Variants in ATP6V1H observed in about 807,000 individuals in gnomAD.
ATP6V1H encodes ATPase H+ transporting V1 subunit H.
Under a neutral mutation model 71.7 loss-of-function variants are expected in ATP6V1H, and 39 were observed. The observed-to-expected ratio is 0.54, with a 90% CI of 0.42 to 0.71. ATP6V1H has a LOEUF of 0.71. Ranked by LOEUF, ATP6V1H falls within the 30% of genes least tolerant of loss-of-function variation. ATP6V1H has a pLI of 0.00. For synonymous variants in ATP6V1H, 192 were observed against 199.3 expected (o/e 0.96, Z 0.31); for missense variants, 509 against 594.9 (o/e 0.86, Z 1.50).
intron 8 of ATP6V1H, among the ~76,000 whole-genome samples, chr8:53,800,585 T>C (rs1255777924): frequency 6.6e-6 from 1 of 152,162 alleles, no homozygotes; most frequent in African/African-American, 2.4e-5. Context: ...AGGAATATAT[T>C]TCTAAGGACA....
At chr8:53,745,408 A>AG (rs972216750) in intron 12 of ATP6V1H, among the ~76,000 whole-genome samples, 1 of 151,910 alleles carries the variant, frequency 6.6e-6, no homozygotes, top group Non-Finnish European at 1.5e-5. Flanking sequence ...TTAAAAAAAA[A>AG]CAAATAAAAA....
chr8:53,732,584 C>T (rs1033108954), intron 13 of ATP6V1H, among the ~76,000 whole-genome samples: 3 of 151,206 alleles, frequency 2.0e-5, no homozygotes, highest in African/African-American at 4.9e-5. Flanking sequence ...GACCAAATTC[C>T]TTTAGAGTGA....
intron 2 of ATP6V1H, among the ~76,000 whole-genome samples, chr8:53,836,003 T>C (rs553365925): frequency 2.6e-5 from 4 of 152,276 alleles, no homozygotes; most frequent in Admixed American, 6.5e-5. Flanking sequence ...AGAACTAAGA[T>C]TGTTAATCCC....
intron 4 of ATP6V1H, among the ~76,000 whole-genome samples, chr8:53,823,939 T>A (rs1199542028): frequency 6.7e-6 from 1 of 149,638 alleles, no homozygotes; most frequent in Non-Finnish European, 1.5e-5. Context: ...TCAATTAATA[T>A]GAAAATCCTG....
intron 11 of ATP6V1H, among the ~76,000 whole-genome samples, chr8:53,757,903 AAT>A (rs1808131555): frequency 1.3e-5 from 2 of 152,214 alleles, no homozygotes; most frequent in South Asian, 4.1e-4. Flanking sequence ...GTCACAAATT[AAT>A]ACATTTAGTC....
intron 9 of ATP6V1H, among the ~76,000 whole-genome samples, chr8:53,786,339 G>C (rs1332188335): frequency 6.6e-6 from 1 of 152,224 alleles, no homozygotes; most frequent in African/African-American, 2.4e-5. Flanking sequence ...CTCCGAGCCA[G>C]TTGCGGGATA....
intron 2 of ATP6V1H, chr8:53,840,075 A>AT (rs1811292388): frequency 8.1e-6 from 2 of 247,670 alleles, no homozygotes; most frequent in African/African-American, 2.3e-5. Context: ...ACATGGCTAA[A>AT]TACCCATCAT....
At chr8:53,719,971 A>G (rs1270974013) in intron 13 of ATP6V1H, among the ~76,000 whole-genome samples, 1 of 152,238 alleles carries the variant, frequency 6.6e-6, no homozygotes, top group Non-Finnish European at 1.5e-5. Flanking sequence ...AGGCAAAAGC[A>G]AAAACTAGTA....
intron 13 of ATP6V1H, among the ~76,000 whole-genome samples, chr8:53,732,181 T>C (rs1481121057): frequency 6.6e-6 from 1 of 152,194 alleles, no homozygotes; most frequent in Non-Finnish European, 1.5e-5. Flanking sequence ...TTTGATTTAG[T>C]GTGAATTAGA....
chr8:53,839,728 A>G, intron 2 of ATP6V1H: 1 of 985,400 alleles, frequency 1.0e-6, no homozygotes, highest in Non-Finnish European at 1.2e-6. Flanking sequence ...TCCTTGGAAA[A>G]TGGTGAATGG....
Position 53,833,007 on chromosome 8 carries a change from T to C in ATP6V1H, c.193A>G (p.Met65Val). 1 of 1,613,136 alleles carries C rather than the reference T, an allele frequency of 6.2e-7. No individual in the cohort carries two copies. Among genetic ancestry groups the C allele is most frequent in the East Asian group, 2.2e-5 (1 of 44,864 alleles). ...MKRSPEEKQEMLQTEGSQCAK... is the reference protein window; with the variant it reads ...MKRSPEEKQEVLQTEGSQCAK... ...ACCTGGCTGCCTTCAGTTTGAAGCA[T>C]CTCTTGCTTCTCTTCAGGGCTTCGT... The change falls in exon 3 of 14, where the codon ATG becomes GTG. Residue 65 changes from methionine to valine, a missense_variant. Physicochemically the swap from Met to Val is conservative, Grantham distance 21. Coordinates refer to ENST00000359530, the MANE Select transcript of ATP6V1H (RefSeq NM_015941.4).
chr8:53,758,584 T>C (rs1209255934), intron 11 of ATP6V1H, among the ~76,000 whole-genome samples: 2 of 152,246 alleles, frequency 1.3e-5, no homozygotes, highest in Non-Finnish European at 2.9e-5. Context: ...AAAAGCCCAC[T>C]TGTAACTGCT....
At chr8:53,719,289 G>GC (rs911946911) in intron 13 of ATP6V1H, among the ~76,000 whole-genome samples, 2 of 151,898 alleles carry the variant, frequency 1.3e-5, no homozygotes, top group Non-Finnish European at 2.9e-5. Flanking sequence ...TCCTGCCTTG[G>GC]CCCCCCGAGT....
chr8:53,840,759 T>C (rs1212586899), intron 2 of ATP6V1H, among the ~76,000 whole-genome samples: 2 of 152,160 alleles, frequency 1.3e-5, no homozygotes, highest in African/African-American at 4.8e-5. Flanking sequence ...TTAACACTAA[T>C]ATAAAACTAG....
At chr8:53,782,236 C>A (rs1311382038) in intron 9 of ATP6V1H, among the ~76,000 whole-genome samples, 6 of 151,920 alleles carry the variant, frequency 3.9e-5, no homozygotes, top group Non-Finnish European at 7.4e-5. Context: ...GTTTGTAGTT[C>A]TCCTTGAAGA....
chr8:53,736,300 C>A (rs886718787), intron 13 of ATP6V1H, among the ~76,000 whole-genome samples: 2 of 152,142 alleles, frequency 1.3e-5, no homozygotes, highest in Non-Finnish European at 2.9e-5. Context: ...GTTACCAGAG[C>A]CTCCTCCCTT....
At chr8:53,727,374 C>T (rs1806848816) in intron 13 of ATP6V1H, among the ~76,000 whole-genome samples, 1 of 152,172 alleles carries the variant, frequency 6.6e-6, no homozygotes, top group South Asian at 2.1e-4. Flanking sequence ...CCTAATTTTC[C>T]AGCCAGTTCT....
chr8:53,802,762 C>G (rs1809954647), intron 7 of ATP6V1H, among the ~76,000 whole-genome samples: 1 of 151,986 alleles, frequency 6.6e-6, no homozygotes, highest in African/African-American at 2.4e-5. Flanking sequence ...CATTTTACAA[C>G]ACAGCTAGAC....
At chr8:53,827,756 T>TC (rs1810870656) in intron 4 of ATP6V1H, among the ~76,000 whole-genome samples, 2 of 152,118 alleles carry the variant, frequency 1.3e-5, no homozygotes, top group African/African-American at 4.8e-5. Flanking sequence ...ATCCTCTCTC[T>TC]CCCCCCACCC....
Sources: allele counts gnomAD v4.1 joint callset (sites outside exome capture counted in the v4.1 genomes callset), GRCh38; gene constraint gnomAD v4.1.1; transcripts MANE v1.5; gene names NCBI Gene and HGNC (gene_info 2026-07-23, HGNC 2026-07-21).